CAMSAP1: variants seen among roughly 807,000 people sequenced by gnomAD.
CAMSAP1 encodes calmodulin-regulated spectrin-associated protein 1.
In CAMSAP1, 58 loss-of-function variants were observed where a neutral mutation model predicts 143.5. That is an observed-to-expected ratio of 0.40 (90% CI 0.33 to 0.50). The LOEUF (loss-of-function observed/expected upper bound fraction) is 0.50. Ranked by LOEUF, CAMSAP1 falls within the 20% of genes least tolerant of loss-of-function variation. The pLI is 0.45. For synonymous variants in CAMSAP1, 945 were observed against 859.3 expected, an observed-to-expected ratio of 1.10 and a Z score of -1.74; for missense variants, 1,969 against 2,115.7, an observed-to-expected ratio of 0.93 and a Z score of 1.36.
intron 15 of CAMSAP1, among the ~76,000 whole-genome samples, 151 bp from the exon 16 acceptor site, chr9:135,815,366 A>C (rs1835194709): frequency 6.6e-6 from 1 of 152,272 alleles, no homozygotes; most frequent in Non-Finnish European, 1.5e-5. Flanking sequence ...AAAACCACTT[A>C]AATTTATTCA....
intron 7 of CAMSAP1, among the ~76,000 whole-genome samples, chr9:135,841,897 A>G (rs1836365569): frequency 6.6e-6 from 1 of 152,264 alleles, no homozygotes; most frequent in African/African-American, 2.4e-5. Flanking sequence ...AGGAATAACC[A>G]GTGCAAAAAG....
intron 7 of CAMSAP1, among the ~76,000 whole-genome samples, chr9:135,829,975 A>G (rs559117713): frequency 6.6e-6 from 1 of 152,316 alleles, no homozygotes; most frequent in African/African-American, 2.4e-5. Flanking sequence ...GTAAAAGCTG[A>G]GAGGTCTTGC....
intron 7 of CAMSAP1, among the ~76,000 whole-genome samples, chr9:135,843,296 C>T (rs904852314): frequency 2.0e-5 from 3 of 152,106 alleles, no homozygotes; most frequent in Non-Finnish European, 4.4e-5. Flanking sequence ...CATTGCACTC[C>T]AGCCTGGACA....
At chr9:135,825,254 AAG>A (rs781778968) in intron 8 of CAMSAP1, among the ~76,000 whole-genome samples, 4 of 152,220 alleles carry the variant, frequency 2.6e-5, no homozygotes, top group African/African-American at 4.8e-5. Flanking sequence ...AATTAAAAAA[AAG>A]AGAGAGAACT....
Position 135,826,347 on chromosome 9 carries a change from T to TA in CAMSAP1, c.1223+1059dup. ...CCGCCTGTGCCCGCGGGCATGGAGT[T>TA]ACCGCCCCACCTCTGCTCTGAGCTC... On this transcript the variant is annotated intron_variant, in intron 8 of 16. Transcript: ENST00000389532. This position sits in a 1 kb window ranked among gnomAD's most constrained non-coding sequence, Gnocchi z 4.4. 6.6e-6 allele frequency: 1 copy of TA among 152,388 alleles called. No homozygotes were observed. Among genetic ancestry groups the TA allele is most frequent in the Admixed American group, 6.5e-5 (1 of 15,304 alleles). The allele number at this position is 152,388 out of a possible 1,614,324, so 9.4% of individuals were successfully genotyped here. A position where few individuals can be genotyped will look rare whatever the true frequency, so the allele number is the denominator to read the frequency against.
chr9:135,836,263 C>A, intron 7 of CAMSAP1: 2 of 984,756 alleles, frequency 2.0e-6, no homozygotes, highest in Non-Finnish European at 2.4e-6. Context: ...CCTACCTTTA[C>A]CCATTCCGCA....
intron 7 of CAMSAP1, among the ~76,000 whole-genome samples, chr9:135,844,734 A>C (rs931161665): frequency 1.3e-5 from 2 of 152,236 alleles, no homozygotes; most frequent in Non-Finnish European, 2.9e-5. Context: ...AGAATACTAT[A>C]AACAACTCAG....
At position 135,827,570 on chromosome 9, in the gene CAMSAP1, G is replaced by T. The variant is rs374449275; in HGVS notation, c.1060C>A (p.His354Asn). The change falls in exon 8 of 17, where the codon CAC becomes AAC. Residue 354 changes from histidine to asparagine, a missense_variant. Coordinates refer to ENST00000389532, the MANE Select transcript of CAMSAP1 (RefSeq NM_015447.4). ...QELKDAKTVLHQKSSRPPVPI... is the reference protein window; with the variant it reads ...QELKDAKTVLNQKSSRPPVPI... The stretch of plus-strand genomic sequence containing the variant: ...ACAGGAGGCCGGCTGCTCTTCTGGT[G>T]TAACACTGTTTTCGCTGCAGAAATA... 7 of 1,580,566 alleles carry T rather than the reference G, an allele frequency of 4.4e-6. No homozygotes were observed. In the African/African-American group the frequency reaches 8.1e-5, roughly 18 times the overall value.
At position 135,808,552 on chromosome 9, in the gene CAMSAP1, A is replaced by AG. The variant is rs1426190035; in HGVS notation, c.*2756dup. 1 of 152,260 alleles carries AG rather than the reference A, an allele frequency of 6.6e-6. No individual in the cohort carries two copies. The highest frequency in any genetic ancestry group is 1.5e-5 in the Non-Finnish European group (1 of 68,044). 9.4% of individuals were successfully genotyped at this position (152,260 alleles called of 1,614,324 possible). A position where few individuals can be genotyped will look rare whatever the true frequency, so the allele number is the denominator to read the frequency against. On this transcript the variant is annotated 3_prime_UTR_variant, in exon 17 of 17. Coordinates refer to ENST00000389532, the MANE Select transcript of CAMSAP1 (RefSeq NM_015447.4). ...CCCTCCAAGTGACAACTACAATTTCAGGGAGGTAAAAGTATAACCTAGAAG... is the reference window on the plus strand; with the variant it reads ...CCCTCCAAGTGACAACTACAATTTCAGGGGAGGTAAAAGTATAACCTAGAAG...
At chr9:135,860,746 T>C (rs897613194) in intron 5 of CAMSAP1, among the ~76,000 whole-genome samples, 11 of 152,294 alleles carry the variant, frequency 7.2e-5, no homozygotes, top group Admixed American at 5.9e-4. Context: ...TATCCTGTTA[T>C]CTTTCACCCA....
intron 7 of CAMSAP1, among the ~76,000 whole-genome samples, chr9:135,837,123 C>T (rs1025108305): frequency 6.0e-5 from 9 of 151,008 alleles, no homozygotes; most frequent in Non-Finnish European, 8.9e-5. Flanking sequence ...TCACCACGGA[C>T]GTTCTACAGA....
At chr9:135,860,035 T>A (rs1837122994) in intron 5 of CAMSAP1, among the ~76,000 whole-genome samples, 2 of 132,122 alleles carry the variant, frequency 1.5e-5, no homozygotes, top group Non-Finnish European at 3.2e-5. Context: ...CAAAACCCTA[T>A]CTCCACAAAA....
At chr9:135,852,193 A>G (rs1407981815) in intron 5 of CAMSAP1, among the ~76,000 whole-genome samples, 1 of 152,050 alleles carries the variant, frequency 6.6e-6, no homozygotes, top group Non-Finnish European at 1.5e-5. Context: ...TCTTTTTCTT[A>G]CCGATTCTAG....
intron 1 of CAMSAP1, among the ~76,000 whole-genome samples, chr9:135,902,835 C>A (rs775088018): frequency 4.6e-5 from 7 of 152,148 alleles, no homozygotes; most frequent in Non-Finnish European, 8.8e-5. Context: ...GGCTTCTGCA[C>A]AGGGCCACGT....
At chr9:135,817,043 A>G (rs1835254492) in intron 14 of CAMSAP1, among the ~76,000 whole-genome samples, 1 of 152,188 alleles carries the variant, frequency 6.6e-6, no homozygotes, top group Non-Finnish European at 1.5e-5. Flanking sequence ...CAGGAAGCCG[A>G]TACTGAGAGG....
rs537106820 is a variant in CAMSAP1, at chr9:135,823,860, G to A, written c.1400+90C>T. ...GCACTCCCTATAAAAGGGTCTCGGTGATCCTCAGGGGGTTGGGGTGACATC... is the reference window on the plus strand; with the variant it reads ...GCACTCCCTATAAAAGGGTCTCGGTAATCCTCAGGGGGTTGGGGTGACATC... On this transcript the variant is annotated intron_variant, in intron 10 of 16. Coordinates refer to ENST00000389532, the MANE Select transcript of CAMSAP1 (RefSeq NM_015447.4). The A allele has an allele frequency of 6.6e-5, 65 of 984,802 alleles. No individual in the cohort carries two copies. In the African/African-American group the frequency reaches 1.1e-3, roughly 16 times the overall value. The allele number at this position is 984,802 out of a possible 1,614,324, so 61.0% of individuals were successfully genotyped here.
intron 7 of CAMSAP1, among the ~76,000 whole-genome samples, chr9:135,839,183 A>G (rs1344904907): frequency 6.6e-6 from 1 of 152,188 alleles, no homozygotes; most frequent in African/African-American, 2.4e-5. Flanking sequence ...CATCCTTCCC[A>G]TACAAGCTTC....
chr9:135,890,438 T>C (rs775747473), intron 1 of CAMSAP1, among the ~76,000 whole-genome samples: 10 of 150,100 alleles, frequency 6.7e-5, no homozygotes, highest in Admixed American at 1.3e-4. Context: ...GGTTTCCCCC[T>C]GAGGGCGCCT....
chr9:135,865,394 G>C, intron 4 of CAMSAP1: 1 of 1,550,270 alleles, frequency 6.5e-7, no homozygotes, highest in Non-Finnish European at 8.7e-7. Flanking sequence ...AGGAAGGCAG[G>C]AGAGGAGCAT....
Sources: allele counts gnomAD v4.1 joint callset (sites outside exome capture counted in the v4.1 genomes callset), GRCh38; gene constraint gnomAD v4.1.1; non-coding constraint Gnocchi (gnomAD v3.1); transcripts MANE v1.5; gene names NCBI Gene and HGNC (gene_info 2026-07-23, HGNC 2026-07-21).